NEBL: variants seen among roughly 807,000 people sequenced by gnomAD.
NEBL encodes the protein nebulette, also known as LIM and SH3 protein 2.
NEBL carries 122 observed loss-of-function variants against 140.2 expected under a neutral mutation model. The observed-to-expected ratio is 0.87, with a 90% CI of 0.75 to 1.01. The LOEUF is 1.01. Ranked by LOEUF, NEBL falls within the 50% of genes least tolerant of loss-of-function variation. The pLI, the probability that NEBL is intolerant of heterozygous loss-of-function variation, is 0.00. For missense variants in NEBL, 1,365 were observed against 1,231.3 expected (o/e 1.11, Z -1.62); for synonymous variants, 436 against 398.9 (o/e 1.09, Z -1.11).
chr10:20,807,978 A>T (rs1837759978), intron 26 of NEBL, among the ~76,000 whole-genome samples: 1 of 148,190 alleles, frequency 6.7e-6, no homozygotes, highest in Non-Finnish European at 1.5e-5. Flanking sequence ...AGTATTTCTC[A>T]TTTAAAAAAA....
At chr10:21,033,633 G>A (rs896490457) in intron 2 of NEBL, among the ~76,000 whole-genome samples, 2 of 151,786 alleles carry the variant, frequency 1.3e-5, no homozygotes, top group African/African-American at 2.4e-5. Context: ...CCAGCTACTC[G>A]GGAGGCTGAG....
At chr10:21,231,114 G>T (rs72798585) in intron 3 of NEBL, among the ~76,000 whole-genome samples, 6,141 of 152,324 alleles carry the variant, frequency 0.04, 192 homozygotes, top group South Asian at 0.14. Context: ...TCATTCATTC[G>T]TTCTTGCTGT....
intron 22 of NEBL, among the ~76,000 whole-genome samples, chr10:20,814,962 T>C (rs1186582988): frequency 6.6e-6 from 1 of 152,204 alleles, no homozygotes; most frequent in African/African-American, 2.4e-5. Flanking sequence ...ATTCAGGGTA[T>C]GCTAAGAAAA....
chr10:21,151,938 T>C (rs1840155697), intron 2 of NEBL, among the ~76,000 whole-genome samples: 1 of 152,204 alleles, frequency 6.6e-6, no homozygotes. Flanking sequence ...CTCTTTCCAC[T>C]AAGAAGCTCC....
chr10:20,872,836 A>G (rs149602977), intron 5 of NEBL, among the ~76,000 whole-genome samples: 1 of 152,340 alleles, frequency 6.6e-6, no homozygotes, highest in East Asian at 1.9e-4. Flanking sequence ...CCGGTACCCT[A>G]CATGGTCTAA....
At position 20,779,984 on chromosome 10, in the gene NEBL, T is replaced by C. The variant is rs1158376291; in HGVS notation, c.*5763A>G. 6.6e-6 allele frequency: 1 copy of C among 152,184 alleles called. No individual in the cohort carries two copies. The highest frequency in any genetic ancestry group is 1.5e-5 in the Non-Finnish European group (1 of 68,036). 9.4% of individuals were successfully genotyped at this position (152,184 alleles called of 1,614,324 possible). ...CAGAAAATCCAATATTTGGAAGAAG[T>C]GTTTATTCTACGAGCAGATGTCATC... On this transcript the variant is annotated 3_prime_UTR_variant, in exon 28 of 28. Coordinates refer to ENST00000377122, the MANE Select transcript of NEBL (RefSeq NM_006393.3).
intron 2 of NEBL, among the ~76,000 whole-genome samples, chr10:21,034,453 T>C (rs1833934938): frequency 1.3e-5 from 2 of 152,270 alleles, no homozygotes; most frequent in South Asian, 4.1e-4. Flanking sequence ...TCCAACATTC[T>C]TCTCAGCACA....
At position 21,107,957 on chromosome 10, in the gene NEBL, G is replaced by A. The variant is rs147218210; in HGVS notation, c.164+64426C>T. Among the ~76,000 whole-genome samples, 23 of 152,298 alleles carry A rather than the reference G, an allele frequency of 1.5e-4. No homozygotes were observed. The East Asian group carries it at 3.5e-3, about 23-fold the overall frequency. ...CTAGATTTTCTAGTTTATTTGCATA[G>A]AGTTATTTATGGTATTTTCTGATGG... is the stretch of plus-strand genomic sequence containing the variant. On this transcript the variant is annotated intron_variant, in intron 2 of 6. Coordinates refer to the NEBL transcript ENST00000417816.
chr10:21,125,668 A>C (rs1589259402), intron 2 of NEBL: 1 of 545,858 alleles, frequency 1.8e-6, no homozygotes, highest in Non-Finnish European at 3.3e-6. Flanking sequence ...ATTTGTGCCA[A>C]AATGAGAAAT....
intron 4 of NEBL, among the ~76,000 whole-genome samples, chr10:20,941,782 T>C (rs947971906): frequency 5.9e-5 from 9 of 152,192 alleles, no homozygotes; most frequent in African/African-American, 2.2e-4. Flanking sequence ...CAAGCATTCT[T>C]ATACACCAAT....
At chr10:20,954,238 A>G (rs1835667145) in intron 4 of NEBL, among the ~76,000 whole-genome samples, 1 of 152,234 alleles carries the variant, frequency 6.6e-6, no homozygotes, top group Admixed American at 6.5e-5. Flanking sequence ...TCCTAGTAAT[A>G]ATCTTCACTG....
At chr10:21,186,257 AACACACACACACACAC>A (rs765894739) in intron 3 of NEBL, among the ~76,000 whole-genome samples, 15 of 124,822 alleles carry the variant, frequency 1.2e-4, no homozygotes, top group East Asian at 7.5e-4. Context: ...TATATATACA[AACACACACACACACAC>A]ACACACACAC....
chr10:21,272,613 A>T (rs1158049607), intron 1 of NEBL, among the ~76,000 whole-genome samples: 1 of 152,012 alleles, frequency 6.6e-6, no homozygotes, highest in Non-Finnish European at 1.5e-5. Context: ...AAATAACAAA[A>T]CACCAGGGGT....
At chr10:21,170,469 C>T (rs1052051960) in intron 2 of NEBL, 37 of 152,208 alleles carry the variant, frequency 2.4e-4, no homozygotes, top group African/African-American at 8.7e-4. Flanking sequence ...GTGCTTGGGG[C>T]CCTTTCCCTT....
At chr10:21,249,461 T>C (rs1043744023) in intron 2 of NEBL, among the ~76,000 whole-genome samples, 1 of 152,078 alleles carries the variant, frequency 6.6e-6, no homozygotes, top group East Asian at 1.9e-4. Flanking sequence ...CCCAATCCAG[T>C]GTCATGAAGC....
chr10:20,924,413 TAAAAAAAAAAAA>T (rs71390800), intron 4 of NEBL, among the ~76,000 whole-genome samples: 1 of 59,062 alleles, frequency 1.7e-5, no homozygotes, highest in Non-Finnish European at 2.9e-5. Flanking sequence ...AGGCATGAAG[TAAAAAAAAAAAA>T]AAAAAAAAAA....
chr10:21,239,884 C>T (rs563897425), intron 3 of NEBL, among the ~76,000 whole-genome samples: 3 of 152,006 alleles, frequency 2.0e-5, no homozygotes, highest in East Asian at 1.9e-4. Flanking sequence ...GGCATCGTGG[C>T]GGTCACCTGT....
At chr10:20,899,840 G>C (rs559284361), upstream of NEBL, 4 of 160,608 alleles carry the variant, frequency 2.5e-5, no homozygotes, top group Admixed American at 1.8e-4. Context: ...ACACTTGCTG[G>C]ATGAAGTCTT....
intron 2 of NEBL, chr10:21,113,440 T>C: frequency 2.4e-6 from 1 of 413,596 alleles, no homozygotes; most frequent in Non-Finnish European, 4.6e-6. Flanking sequence ...TGTGAAGAGT[T>C]GCTTCTGGAT....
Sources: gnomAD v4.1 joint callset for allele counts (sites outside exome capture counted in the v4.1 genomes callset) on GRCh38, gnomAD v4.1.1 for gene constraint, MANE v1.5 for transcripts, NCBI Gene and HGNC (gene_info 2026-07-23, HGNC 2026-07-21) for gene names.